Variants in PI4KA observed in about 807,000 individuals in gnomAD.
PI4KA encodes PI4-kinase alpha.
Under a neutral mutation model 271.4 loss-of-function variants are expected in PI4KA, and 122 were observed. The observed-to-expected ratio is 0.45, with a 90% CI of 0.39 to 0.52. The LOEUF (loss-of-function observed/expected upper bound fraction) is 0.52. PI4KA is among the 20% of genes least tolerant of loss of function. PI4KA has a pLI of 0.00. For synonymous variants in PI4KA, 1,041 were observed against 1,078.8 expected (o/e 0.96, Z 0.69); for missense variants, 1,969 against 2,769.1 (o/e 0.71, Z 6.48).
intron 19 of PI4KA, chr22:20,779,094 T>A: frequency 8.2e-7 from 1 of 1,217,144 alleles, no homozygotes; most frequent in Non-Finnish European, 1.1e-6. Context: ...AGATCCTTCA[T>A]TGAGGTTTAT....
At chr22:20,744,035 C>A (rs1601388081) in intron 30 of PI4KA, among the ~76,000 whole-genome samples, 1 of 152,138 alleles carries the variant, frequency 6.6e-6, no homozygotes, top group East Asian at 1.9e-4. Flanking sequence ...GCCTGGGCAA[C>A]AGAACGAGAC....
chr22:20,739,737 G>C (rs1434200573), intron 32 of PI4KA, among the ~76,000 whole-genome samples: 3 of 152,100 alleles, frequency 2.0e-5, no homozygotes, highest in Non-Finnish European at 2.9e-5. Context: ...GAAGGTAAGA[G>C]AATCTCAGCA....
intron 1 of PI4KA, among the ~76,000 whole-genome samples, chr22:20,844,873 C>T (rs764167414): frequency 5.9e-5 from 9 of 152,080 alleles, no homozygotes; most frequent in Non-Finnish European, 1.2e-4. Flanking sequence ...AAAGCATTAA[C>T]CCTCTAGTCT....
chr22:20,749,944 G>T lies in PI4KA; in HGVS notation c.3204C>A (p.Ala1068=). 6.2e-7 allele frequency: 1 copy of T among 1,613,556 alleles called. No individual in the cohort carries two copies. Among genetic ancestry groups the T allele is most frequent in the Non-Finnish European group, 8.5e-7 (1 of 1,179,474 alleles). ...AARCGMILQE[A]MKWAPTVTKS... ...TGGTGACGGTAGGTGCCCACTTCAT[G>T]GCCTCCTGGAGGATCATCCCACAGC... The change falls in exon 28 of 55, where the codon GCC becomes GCA. Residue 1068 remains alanine (A), a synonymous_variant. Coordinates refer to ENST00000255882, the MANE Select transcript of PI4KA (RefSeq NM_058004.4).
intron 1 of PI4KA, among the ~76,000 whole-genome samples, chr22:20,856,820 T>C (rs1040678000): frequency 2.0e-5 from 3 of 152,224 alleles, no homozygotes; most frequent in African/African-American, 4.8e-5. Context: ...CTAGTGAACA[T>C]GGCTGAAGAA....
chr22:20,780,789 A>AAAAAAAAAAAAAAAAG (rs1569025354), intron 19 of PI4KA, among the ~76,000 whole-genome samples: 38 of 151,372 alleles, frequency 2.5e-4, no homozygotes, highest in African/African-American at 9.0e-4. Context: ...AAAAAAAAAA[A>AAAAAAAAAAAAAAAAG]AAGAAGTAAA....
At chr22:20,855,262 TTA>T (rs915981232) in intron 1 of PI4KA, among the ~76,000 whole-genome samples, 5 of 151,612 alleles carry the variant, frequency 3.3e-5, no homozygotes, top group African/African-American at 1.2e-4. Context: ...ACTACATATT[TTA>T]TATATATATA....
rs371824321 is a variant in PI4KA, at chr22:20,858,514, C to T, written c.156+56G>A. On this transcript the variant is annotated intron_variant, in intron 1 of 54. Transcript: ENST00000255882. ...CACAGACCCTCGTCCCGCCTCCACG[C>T]TTCGTCACCCCAGCCCCTCCTCCTG... The T allele has an allele frequency of 4.2e-5, 52 of 1,232,318 alleles. No homozygotes were observed. The East Asian group carries it at 9.6e-4, about 23-fold the overall frequency. 76.3% of individuals were successfully genotyped at this position (1,232,318 alleles called of 1,614,324 possible). A position where few individuals can be genotyped will look rare whatever the true frequency, so the allele number is the denominator to read the frequency against.
chr22:20,828,628 C>A (rs1390979521), intron 3 of PI4KA, among the ~76,000 whole-genome samples: 3 of 151,866 alleles, frequency 2.0e-5, no homozygotes, highest in Admixed American at 2.0e-4. Flanking sequence ...GATCTCGGCT[C>A]ACTGCAACCT....
intron 23 of PI4KA, among the ~76,000 whole-genome samples, chr22:20,760,594 G>A (rs1419888424): frequency 6.6e-6 from 1 of 152,052 alleles, no homozygotes; most frequent in Non-Finnish European, 1.5e-5. Flanking sequence ...CACACTCACG[G>A]GACCACTACC....
chr22:20,795,590 C>T (rs2147568758), intron 18 of PI4KA, among the ~76,000 whole-genome samples: 1 of 152,250 alleles, frequency 6.6e-6, no homozygotes, highest in Admixed American at 6.5e-5. Context: ...AGGGTTATTC[C>T]TAACATGGTA....
At chr22:20,796,404 GC>G in intron 17 of PI4KA, 90 bp from the exon 18 acceptor site, 1 of 1,201,924 alleles carries the variant, frequency 8.3e-7, no homozygotes, top group Non-Finnish European at 1.2e-6. Context: ...AGCTGAGCGG[GC>G]CAGGCCCAGC....
At chr22:20,778,493 G>A (rs2147473016) in intron 19 of PI4KA, among the ~76,000 whole-genome samples, 1 of 152,170 alleles carries the variant, frequency 6.6e-6, no homozygotes, top group East Asian at 1.9e-4. Flanking sequence ...GACAGAGTGA[G>A]ACTCCATTTC....
intron 25 of PI4KA, among the ~76,000 whole-genome samples, chr22:20,752,283 C>T (rs550024060): frequency 6.6e-6 from 1 of 152,314 alleles, no homozygotes; most frequent in South Asian, 2.1e-4. Flanking sequence ...CCCTGGCTGG[C>T]TCCTGACCAC....
intron 19 of PI4KA, chr22:20,780,262 T>G: frequency 6.2e-7 from 1 of 1,606,868 alleles, no homozygotes. Flanking sequence ...TGTATGTGGG[T>G]AGATTGAATG....
At chr22:20,817,305 T>A (rs552241773) in intron 7 of PI4KA, among the ~76,000 whole-genome samples, 129 of 152,272 alleles carry the variant, frequency 8.5e-4, no homozygotes, top group African/African-American at 2.8e-3. Flanking sequence ...CCATTTGCTG[T>A]CCCTTAATCT....
At chr22:20,727,438 C>T (rs138587630) in intron 40 of PI4KA, 41 bp from the exon 41 acceptor site, 24 of 1,538,634 alleles carry the variant, frequency 1.6e-5, no homozygotes, top group South Asian at 4.9e-5. Context: ...TGGGCAGTCC[C>T]GGGACCTCTG....
chr22:20,811,702 G>T (rs925173983), intron 8 of PI4KA, among the ~76,000 whole-genome samples: 2 of 150,676 alleles, frequency 1.3e-5, no homozygotes, highest in Non-Finnish European at 3.0e-5. Context: ...CCTAGGAAAA[G>T]AAATGAAAAA....
intron 19 of PI4KA, among the ~76,000 whole-genome samples, chr22:20,791,843 G>A (rs1934666485): frequency 6.6e-6 from 1 of 152,162 alleles, no homozygotes; most frequent in Non-Finnish European, 1.5e-5. Flanking sequence ...GCTCATACCT[G>A]TAATACCAGC....
Sources: gnomAD v4.1 joint callset for allele counts (sites outside exome capture counted in the v4.1 genomes callset) on GRCh38, gnomAD v4.1.1 for gene constraint, MANE v1.5 for transcripts, NCBI Gene and HGNC (gene_info 2026-07-23, HGNC 2026-07-21) for gene names.